NRXN3: variants seen among roughly 807,000 people sequenced by gnomAD.
The protein encoded by NRXN3 is neurexin 3, also known as neurexin III.
Under a neutral mutation model 137.6 loss-of-function variants are expected in NRXN3, and 32 were observed. The observed-to-expected ratio is 0.23, with a 90% CI of 0.18 to 0.31. The LOEUF (loss-of-function observed/expected upper bound fraction) is 0.31, where lower values mean the gene tolerates loss of function less well. Among genes scored for constraint, NRXN3 ranks in the 10% least tolerant of loss-of-function variants. The pLI is 1.00. For synonymous variants in NRXN3, 798 were observed against 784.5 expected, an observed-to-expected ratio of 1.02 and a Z score of -0.29; for missense variants, 1,574 against 2,062.5, an observed-to-expected ratio of 0.76 and a Z score of 4.59.
chr14:78,840,104 A>G (rs921590234), intron 10 of NRXN3, among the ~76,000 whole-genome samples: 22 of 152,188 alleles, frequency 1.4e-4, no homozygotes, highest in African/African-American at 5.1e-4. Flanking sequence ...AGTTGTTTCT[A>G]AAATATCTGT....
intron 4 of NRXN3, among the ~76,000 whole-genome samples, chr14:78,550,173 G>A (rs548835018): frequency 4.0e-5 from 6 of 151,894 alleles, no homozygotes; most frequent in East Asian, 1.9e-4. Flanking sequence ...TAGCTGGAAC[G>A]ACAGTCATGT....
At chr14:79,509,955 C>G (rs2096916630) in intron 16 of NRXN3, among the ~76,000 whole-genome samples, 1 of 152,118 alleles carries the variant, frequency 6.6e-6, no homozygotes, top group South Asian at 2.1e-4. Context: ...ATGCAGTCAG[C>G]TCAGGGATCA....
At chr14:79,261,497 C>T (rs2077569884) in intron 15 of NRXN3, among the ~76,000 whole-genome samples, 1 of 151,830 alleles carries the variant, frequency 6.6e-6, no homozygotes, top group Non-Finnish European at 1.5e-5. Context: ...GGCAGTTAAG[C>T]TAGACCTGAG....
At chr14:79,697,983 G>T in intron 19 of NRXN3, 46 bp downstream of exon 19, 2 of 1,524,980 alleles carry the variant, frequency 1.3e-6, no homozygotes, top group South Asian at 2.3e-5. Flanking sequence ...TTTTATCTTT[G>T]CAACATTGTT....
intron 16 of NRXN3, among the ~76,000 whole-genome samples, chr14:79,616,146 A>C (rs951173431): frequency 2.6e-5 from 4 of 152,128 alleles, no homozygotes; most frequent in African/African-American, 9.7e-5. Context: ...TGCATTTTAG[A>C]AATATTGTTG....
intron 4 of NRXN3, among the ~76,000 whole-genome samples, chr14:78,301,486 A>T (rs2076873386): frequency 6.6e-6 from 1 of 152,202 alleles, no homozygotes; most frequent in South Asian, 2.1e-4. Flanking sequence ...CAGAGACCCG[A>T]GCCTAGAGAA....
chr14:78,346,227 T>A (rs2082716356), intron 4 of NRXN3, among the ~76,000 whole-genome samples: 1 of 152,184 alleles, frequency 6.6e-6, no homozygotes, highest in Non-Finnish European at 1.5e-5. Flanking sequence ...ACTGCGGCTC[T>A]TGCCCATCCT....
intron 15 of NRXN3, among the ~76,000 whole-genome samples, chr14:79,058,763 G>A (rs556198237): frequency 5.9e-5 from 9 of 152,120 alleles, no homozygotes; most frequent in African/African-American, 2.2e-4. Flanking sequence ...ATCGGATCAT[G>A]AGGGCGGTTC....
chr14:78,351,616 T>G (rs2083501627), intron 4 of NRXN3, among the ~76,000 whole-genome samples: 1 of 152,128 alleles, frequency 6.6e-6, no homozygotes, highest in African/African-American at 2.4e-5. Flanking sequence ...TTCTGTGAGT[T>G]ATTTGTTCAT....
At chr14:79,625,119 T>A (rs1313122047) in intron 16 of NRXN3, among the ~76,000 whole-genome samples, 1 of 152,194 alleles carries the variant, frequency 6.6e-6, no homozygotes, top group East Asian at 1.9e-4. Context: ...TTTCTTGCTG[T>A]GTCTGGCTTA....
chr14:79,061,145 A>T (rs141445165), intron 15 of NRXN3, among the ~76,000 whole-genome samples: 18 of 152,332 alleles, frequency 1.2e-4, no homozygotes, highest in African/African-American at 4.3e-4. Context: ...ATTCAATAAG[A>T]ATTTATTAAG....
chr14:79,093,078 C>T (rs1365851458), intron 15 of NRXN3, among the ~76,000 whole-genome samples: 1 of 152,096 alleles, frequency 6.6e-6, no homozygotes, highest in Non-Finnish European at 1.5e-5. Context: ...AGACAGTGAA[C>T]ATTAAAAATG....
chr14:78,485,714 A>G (rs1451279739), intron 4 of NRXN3, among the ~76,000 whole-genome samples: 1 of 151,996 alleles, frequency 6.6e-6, no homozygotes, highest in African/African-American at 2.4e-5. Flanking sequence ...TTTCTCCTTC[A>G]TTTTCTTATC....
At chr14:79,808,548 G>A (rs905442243) in intron 20 of NRXN3, among the ~76,000 whole-genome samples, 1 of 151,986 alleles carries the variant, frequency 6.6e-6, no homozygotes, top group African/African-American at 2.4e-5. Context: ...TTGCTTGATG[G>A]AAATACACTA....
rs374229013 is a variant in NRXN3, at chr14:79,294,980, A to G, written c.3263-172241A>G. Among the ~76,000 whole-genome samples, 14 of 151,908 alleles carry G rather than the reference A, an allele frequency of 9.2e-5. No homozygotes were observed. The East Asian group carries it at 2.7e-3, about 30-fold the overall frequency. On this transcript the variant is annotated intron_variant, in intron 15 of 20. Transcript: ENST00000335750. Reference sequence around the variant, plus strand: ...TAGCTTCTGTTTTTCCCTCCTGTCCATGTTTCCCTCACCATTGGAGCCATC... The same window carrying G: ...TAGCTTCTGTTTTTCCCTCCTGTCCGTGTTTCCCTCACCATTGGAGCCATC...
intron 15 of NRXN3, among the ~76,000 whole-genome samples, chr14:78,988,785 G>A (rs72685471): frequency 0.37 from 55,458 of 151,654 alleles, 10,692 homozygotes; most frequent in Admixed American, 0.47. Flanking sequence ...GTGTGTGTGT[G>A]TATATATATG....
chr14:78,661,993 A>T (rs2097845945), intron 6 of NRXN3, among the ~76,000 whole-genome samples: 2 of 149,860 alleles, frequency 1.3e-5, no homozygotes, highest in Non-Finnish European at 3.0e-5. Flanking sequence ...CTCATGCCTC[A>T]GTCTCCGAAG....
intron 1 of NRXN3, among the ~76,000 whole-genome samples, chr14:78,195,330 C>T (rs2061131206): frequency 6.6e-6 from 1 of 152,040 alleles, no homozygotes; most frequent in Admixed American, 6.5e-5. Flanking sequence ...TTCGTTCGTT[C>T]GTTCATTCAT....
At chr14:78,365,412 T>C (rs1359234977) in intron 4 of NRXN3, among the ~76,000 whole-genome samples, 1 of 152,176 alleles carries the variant, frequency 6.6e-6, no homozygotes, top group Non-Finnish European at 1.5e-5. Flanking sequence ...ATTCAGATCC[T>C]AGATTCTTTC....
Sources: allele counts gnomAD v4.1 joint callset (sites outside exome capture counted in the v4.1 genomes callset), GRCh38; gene constraint gnomAD v4.1.1; transcripts MANE v1.5; gene names NCBI Gene and HGNC (gene_info 2026-07-23, HGNC 2026-07-21).